Variants in BTN3A2 observed in about 807,000 individuals in gnomAD.
BTN3A2 encodes butyrophilin subfamily 3 member A2, also known as butyrophilin protein.
In BTN3A2, 25 loss-of-function variants were observed where a neutral mutation model predicts 37.6. The observed-to-expected ratio is 0.66, with a 90% CI of 0.48 to 0.93. The LOEUF (loss-of-function observed/expected upper bound fraction) is 0.93. Among genes scored for constraint, BTN3A2 ranks in the 40% least tolerant of loss-of-function variants. The probability of loss-of-function intolerance (pLI) is 0.00; values close to 1 mark genes in which losing one functional copy is unlikely to be tolerated. For synonymous variants in BTN3A2, 122 were observed against 159.4 expected (o/e 0.77, Z 1.77); for missense variants, 266 against 410.9 (o/e 0.65, Z 3.05).
In BTN3A2 at chr6:26,377,181, A is replaced by G. The variant is rs1760763116; in HGVS notation, c.*1419A>G. 6 of 1,239,146 alleles carry G rather than the reference A, an allele frequency of 4.8e-6. No homozygotes were observed. The highest frequency in any genetic ancestry group is 7.1e-6 in the Non-Finnish European group (6 of 839,768). The allele number at this position is 1,239,146 out of a possible 1,614,324, so 76.8% of individuals were successfully genotyped here. The stretch of plus-strand genomic sequence containing the variant: ...ACTGACCCCAGGCTTAGCTAATGAA[A>G]GTGGGGAGCCTCAGGCTGAAGTAAC... On this transcript the variant is annotated 3_prime_UTR_variant, in exon 11 of 11. Transcript: ENST00000377708.
chr6:26,375,701 A>G, intron 10 of BTN3A2, 96 bp from the exon 11 acceptor site: 1 of 1,534,494 alleles, frequency 6.5e-7, no homozygotes, highest in Non-Finnish European at 8.8e-7. Context: ...TATCAGGAAG[A>G]TGAGGAGCTT....
chr6:26,368,536 C>A (rs779251998), intron 3 of BTN3A2, 29 bp from the exon 4 acceptor site: 1 of 1,613,946 alleles, frequency 6.2e-7, no homozygotes, highest in South Asian at 1.1e-5. Flanking sequence ...CCAAAACCCT[C>A]TGATGGAGCT....
rs759287621 is a variant in BTN3A2, at chr6:26,370,550, T to A, written c.662T>A (p.Ile221Asn). 24 of 1,614,088 alleles carry A rather than the reference T, an allele frequency of 1.5e-5. No homozygotes were observed. The South Asian group carries it at 2.6e-4, about 18-fold the overall frequency. The change falls in exon 5 of 11, where the codon ATC becomes AAC. Residue 221 changes from isoleucine (I) to asparagine (N), a missense_variant. Transcript: ENST00000377708. Reference sequence around the variant, plus strand: ...GGCTCCGGGGAGGGTGTATCCTGCATCATCAGAAATTCCCTCCTCGGCCTG... The same window carrying A: ...GGCTCCGGGGAGGGTGTATCCTGCAACATCAGAAATTCCCTCCTCGGCCTG... ...RGGSGEGVSC[I>N]IRNSLLGLEK...
chr6:26,371,184 C>T (rs1250803975), intron 5 of BTN3A2, among the ~76,000 whole-genome samples: 1 of 152,100 alleles, frequency 6.6e-6, no homozygotes, highest in Non-Finnish European at 1.5e-5. Context: ...ATCACTTGAA[C>T]CCAGGAGGCA....
chr6:26,374,943 G>A, intron 10 of BTN3A2, 145 bp downstream of exon 10: 1 of 809,910 alleles, frequency 1.2e-6, no homozygotes, highest in Non-Finnish European at 1.9e-6. Flanking sequence ...AAAGGGTGGA[G>A]GTGAAGGGAA....
chr6:26,375,492 T>G, intron 10 of BTN3A2: 1 of 723,358 alleles, frequency 1.4e-6, no homozygotes, highest in Non-Finnish European at 2.3e-6. Context: ...TCTCCTTTCT[T>G]TCTCCTTCTA....
rs1760541260 is a variant in BTN3A2, at chr6:26,374,757, C to T, written c.*7-14C>T. Reference sequence around the variant, plus strand: ...ATACTGACCTTTTTCTTATCTGTGTCTCCTTCCTTTCAGAATGGAAAAATG... The same window carrying T: ...ATACTGACCTTTTTCTTATCTGTGTTTCCTTCCTTTCAGAATGGAAAAATG... On this transcript the variant is annotated splice_polypyrimidine_tract_variant and intron_variant, in intron 9 of 10. Transcript: ENST00000377708. 1 of 1,530,958 alleles carries T rather than the reference C, an allele frequency of 6.5e-7. No homozygotes were observed. Among genetic ancestry groups the T allele is most frequent in the Non-Finnish European group, 9.0e-7 (1 of 1,106,588 alleles). The allele number at this position is 1,530,958 out of a possible 1,614,324, so 94.8% of individuals were successfully genotyped here.
In BTN3A2 at chr6:26,375,928, C is replaced by A; in HGVS notation, c.*166C>A. 3 of 1,427,950 alleles carry A rather than the reference C, an allele frequency of 2.1e-6. No individual in the cohort carries two copies. Among genetic ancestry groups the A allele is most frequent in the African/African-American group, 1.4e-5 (1 of 70,612 alleles). 88.5% of individuals were successfully genotyped at this position (1,427,950 alleles called of 1,614,324 possible). A position where few individuals can be genotyped will look rare whatever the true frequency, so the allele number is the denominator to read the frequency against. ...AAGATTGAAAATTAACCTCTGAGGG[C>A]CAGCACAGCAGCTCATGCCTGTAAT... On this transcript the variant is annotated 3_prime_UTR_variant, in exon 11 of 11. Coordinates refer to ENST00000377708, the MANE Select transcript of BTN3A2 (RefSeq NM_007047.5).
Position 26,365,396 on chromosome 6 carries a change from G to A in BTN3A2, c.-67+44G>A, listed in dbSNP as rs182982166. The A allele has an allele frequency of 6.6e-5, 101 of 1,534,978 alleles. 1 individual carries two copies. In the South Asian group the frequency reaches 1.1e-3, roughly 16 times the overall value. On this transcript the variant is annotated intron_variant, in intron 1 of 10. Coordinates refer to ENST00000377708, the MANE Select transcript of BTN3A2 (RefSeq NM_007047.5). ...TTAGAGCCTGGGCTACAACGCATGG[G>A]AGGAGCGGGGCTGAATCGCTGAGAG...
chr6:26,377,143 C>T lies in BTN3A2; in HGVS notation c.*1381C>T. 4 of 1,280,602 alleles carry T rather than the reference C, an allele frequency of 3.1e-6. No individual in the cohort carries two copies. In the South Asian group the frequency reaches 3.6e-5, roughly 11 times the overall value. 79.3% of individuals were successfully genotyped at this position (1,280,602 alleles called of 1,614,324 possible). A position where few individuals can be genotyped will look rare whatever the true frequency, so the allele number is the denominator to read the frequency against. The stretch of plus-strand genomic sequence containing the variant: ...GATCCCGACCTAGTGCCTGATCATT[C>T]CCTGGAGATACCACTGACCCCAGGC... On this transcript the variant is annotated 3_prime_UTR_variant, in exon 11 of 11. Transcript: ENST00000377708.
Position 26,370,403 on chromosome 6 carries a change from A to G in BTN3A2, c.515A>G (p.Tyr172Cys), listed in dbSNP as rs1022540747. The G allele has an allele frequency of 2.7e-5, 44 of 1,614,024 alleles. No individual in the cohort carries two copies. Among genetic ancestry groups the G allele is most frequent in the Non-Finnish European group, 3.6e-5 (43 of 1,180,022 alleles). The stretch of plus-strand genomic sequence containing the variant: ...CTGGAGTGCAGGTCCACCGGCTGGT[A>G]CCCCCAACCCCAAATACAGTGGAGC... ...IHLECRSTGW[Y>C]PQPQIQWSNA... Residue 172 changes from tyrosine to cysteine, a missense_variant, in exon 5 of 11, where the codon TAC becomes TGC. Tyr to Cys is a radical substitution (Grantham distance 194). Transcript: ENST00000377708.
At chr6:26,375,626 C>G (rs9379871) in intron 10 of BTN3A2, 171 bp from the exon 11 acceptor site, 166,769 of 1,495,578 alleles carry the variant, frequency 0.11, 10,208 homozygotes, top group Non-Finnish European at 0.13. Context: ...AAGCTGAAGG[C>G]TGGAGAGTGA....
chr6:26,367,751 G>A (rs1759656337), intron 1 of BTN3A2, among the ~76,000 whole-genome samples: 1 of 152,196 alleles, frequency 6.6e-6, no homozygotes, highest in African/African-American at 2.4e-5. Context: ...TAAGTTGACT[G>A]TAGTAATGGC....
At chr6:26,375,002 C>G (rs549372110) in intron 10 of BTN3A2, 3 of 473,002 alleles carry the variant, frequency 6.3e-6, no homozygotes, top group Admixed American at 7.8e-5. Flanking sequence ...ATGGAAATGC[C>G]AAGGAGAGGA....
rs1760758463 is a variant in BTN3A2, at chr6:26,377,113, C to T, written c.*1351C>T. 5 of 1,319,614 alleles carry T rather than the reference C, an allele frequency of 3.8e-6. No individual in the cohort carries two copies. The highest frequency in any genetic ancestry group is 3.4e-5 in the Admixed American group (2 of 59,354). 81.7% of individuals were successfully genotyped at this position (1,319,614 alleles called of 1,614,324 possible). ...TGCCCAATACCAAAAGTAGAGAGTT[C>T]CCCCGATCCCGACCTAGTGCCTGAT... On this transcript the variant is annotated 3_prime_UTR_variant, in exon 11 of 11. Coordinates refer to ENST00000377708, the MANE Select transcript of BTN3A2 (RefSeq NM_007047.5).
chr6:26,376,820 G>A lies in BTN3A2; in HGVS notation c.*1058G>A. The A allele has an allele frequency of 6.2e-7, 1 of 1,613,882 alleles. No homozygotes were observed. Among genetic ancestry groups the A allele is most frequent in the South Asian group, 1.1e-5 (1 of 91,074 alleles). On this transcript the variant is annotated 3_prime_UTR_variant, in exon 11 of 11. Coordinates refer to ENST00000377708, the MANE Select transcript of BTN3A2 (RefSeq NM_007047.5). ...AGAACGTGGAGAGGAAAAAAGTTTG[G>A]GTCAAAATGACACCGGAGAACGGAT...
intron 8 of BTN3A2, chr6:26,373,853 AGAG>A: frequency 5.6e-6 from 1 of 180,126 alleles, no homozygotes; most frequent in African/African-American, 2.3e-5. Flanking sequence ...TGTCTAATAA[AGAG>A]GAGTAGCTAC....
In BTN3A2 at chr6:26,376,611, C is replaced by A. The variant is rs1219219943; in HGVS notation, c.*849C>A. 1.4e-5 allele frequency: 20 copies of A among 1,447,906 alleles called. No individual in the cohort carries two copies. The highest frequency in any genetic ancestry group is 1.7e-5 in the Non-Finnish European group (18 of 1,046,346). The allele number at this position is 1,447,906 out of a possible 1,614,324, so 89.7% of individuals were successfully genotyped here. A position where few individuals can be genotyped will look rare whatever the true frequency, so the allele number is the denominator to read the frequency against. On this transcript the variant is annotated 3_prime_UTR_variant, in exon 11 of 11. Transcript: ENST00000377708. ...GTATCCAGACATGGCAAATGCCATC[C>A]TCCTTGTTTCTGAGGACCAGAGGAG...
Position 26,376,847 on chromosome 6 carries a change from C to T in BTN3A2, c.*1085C>T, listed in dbSNP as rs1760744769. ...TCAAAATGACACCGGAGAACGGATA[C>T]TGGACTATGGGCCTGACTGATGGGA... On this transcript the variant is annotated 3_prime_UTR_variant, in exon 11 of 11. Coordinates refer to ENST00000377708, the MANE Select transcript of BTN3A2 (RefSeq NM_007047.5). 15 of 1,614,028 alleles carry T rather than the reference C, an allele frequency of 9.3e-6. No homozygotes were observed. The Admixed American group carries it at 2.2e-4, about 23-fold the overall frequency.
Sources: allele counts gnomAD v4.1 joint callset (sites outside exome capture counted in the v4.1 genomes callset), GRCh38; gene constraint gnomAD v4.1.1; transcripts MANE v1.5; gene names NCBI Gene and HGNC (gene_info 2026-07-23, HGNC 2026-07-21).